The following SAP130 variants were observed in gnomAD, a reference collection of about 807,000 sequenced individuals.
SAP130 encodes Sin3A associated protein 130.
SAP130 carries 16 observed loss-of-function variants against 103.2 expected under a neutral mutation model. That is an observed-to-expected ratio of 0.16 (90% confidence interval 0.10 to 0.24). The LOEUF (loss-of-function observed/expected upper bound fraction) is 0.24. Among genes scored for constraint, SAP130 ranks in the 10% least tolerant of loss-of-function variants. The pLI is 1.00. For missense variants in SAP130, 990 were observed against 1,359.7 expected (o/e 0.73, Z 4.28); for synonymous variants, 477 against 497.0 (o/e 0.96, Z 0.53).
At chr2:128,020,954 C>A (rs1573857697) in intron 2 of SAP130, among the ~76,000 whole-genome samples, 1 of 152,198 alleles carries the variant, frequency 6.6e-6, no homozygotes, top group African/African-American at 2.4e-5. Context: ...CAAGACTGTG[C>A]ACTCCAGCCT....
chr2:127,952,233 A>G (rs911989414), intron 16 of SAP130, among the ~76,000 whole-genome samples: 2 of 152,062 alleles, frequency 1.3e-5, no homozygotes, highest in African/African-American at 4.8e-5. Context: ...CGGGCAGATC[A>G]TAAGATCAGG....
rs942751545 is a variant in SAP130, at chr2:127,954,693, C to T, written c.2422+293G>A. On this transcript the variant is annotated intron_variant, in intron 16 of 20. Coordinates refer to ENST00000643581, the MANE Select transcript of SAP130 (RefSeq NM_001330301.2). ...TTTTCTTAATACTACTTTCTTAATACTACTAGGCATGGAAGGAAACTATGT... is the reference window on the plus strand; with the variant it reads ...TTTTCTTAATACTACTTTCTTAATATTACTAGGCATGGAAGGAAACTATGT... Among the ~76,000 whole-genome samples the T allele has an allele frequency of 2.0e-5, 3 of 152,260 alleles. No homozygotes were observed. The South Asian group carries it at 6.2e-4, about 32-fold the overall frequency.
At chr2:127,983,245 C>T (rs990875163) in intron 14 of SAP130, among the ~76,000 whole-genome samples, 6 of 152,064 alleles carry the variant, frequency 3.9e-5, no homozygotes, top group African/African-American at 1.2e-4. Flanking sequence ...ATGTGGCAAG[C>T]GCAACTCAGG....
intron 16 of SAP130, among the ~76,000 whole-genome samples, chr2:127,952,726 A>G (rs571652693): frequency 6.6e-6 from 1 of 152,124 alleles, no homozygotes; most frequent in South Asian, 2.1e-4. Flanking sequence ...CCACCTGATC[A>G]TTGTCTCCTC....
At chr2:127,961,312 T>TC (rs916049244) in intron 15 of SAP130, among the ~76,000 whole-genome samples, 6 of 150,784 alleles carry the variant, frequency 4.0e-5, no homozygotes, top group Admixed American at 2.7e-4. Context: ...CTAATTTTTT[T>TC]TTTTTTTTTA....
chr2:127,993,047 C>CA (rs1402788732), intron 12 of SAP130, 140 bp downstream of exon 12: 67 of 1,122,212 alleles, frequency 6.0e-5, no homozygotes, highest in Non-Finnish European at 7.8e-5. Flanking sequence ...TTAAGACCTT[C>CA]AAGCTTCACA....
At chr2:128,018,332 C>CAAACCAA (rs796997819) in intron 2 of SAP130, among the ~76,000 whole-genome samples, 3,979 of 120,508 alleles carry the variant, frequency 0.033, 183 homozygotes, top group African/African-American at 0.11. Flanking sequence ...AAAAAAAAAA[C>CAAACCAA]AAACCAAAAA....
intron 11 of SAP130, among the ~76,000 whole-genome samples, chr2:127,995,853 G>A (rs1683143360): frequency 6.6e-6 from 1 of 152,146 alleles, no homozygotes; most frequent in Non-Finnish European, 1.5e-5. Context: ...GCAATGGGAA[G>A]AACACACTGC....
In SAP130 at chr2:127,944,443, T is replaced by TTC. The variant is rs398104707; in HGVS notation, c.2901+1012_2901+1013insGA. On this transcript the variant is annotated intron_variant, in intron 19 of 20. Coordinates refer to ENST00000643581, the MANE Select transcript of SAP130 (RefSeq NM_001330301.2). ...GACCCTGTCTCTACAATTTTTTTTT[T>TTC]CCCCGAGAGGGAGTTTTGCTCTTTC... Among the ~76,000 whole-genome samples the TTC allele has an allele frequency of 1.5e-4, 22 of 151,396 alleles. No individual in the cohort carries two copies. In the South Asian group the frequency reaches 4.4e-3, roughly 30 times the overall value.
At chr2:128,004,938 C>A (rs1361396371) in intron 7 of SAP130, among the ~76,000 whole-genome samples, 3 of 152,146 alleles carry the variant, frequency 2.0e-5, no homozygotes, top group Non-Finnish European at 4.4e-5. Context: ...CCAATCCAAT[C>A]AAAGATGAAT....
chr2:127,989,648 GA>G lies in SAP130; in HGVS notation c.1695del (p.His566ThrfsTer171). 6.2e-7 allele frequency: 1 copy of G among 1,614,218 alleles called. No individual in the cohort carries two copies. On this transcript the variant is annotated frameshift_variant, in exon 13 of 21. Coordinates refer to ENST00000643581, the MANE Select transcript of SAP130 (RefSeq NM_001330301.2). LOFTEE classifies it high-confidence loss of function. The surrounding 1 kb of genome is among the most constrained non-coding windows in gnomAD (Gnocchi z 4.6). The stretch of plus-strand genomic sequence containing the variant: ...TGTGTGTTGATTGGGGTTGCTGAGT[GA>G]ATTCCCTGTGTGCCAAGTGGTGCAG... ...IQPAPLGTQG[I>X]HSATPINTQG...
chr2:128,015,832 T>A (rs947449731), intron 4 of SAP130, among the ~76,000 whole-genome samples: 1 of 150,872 alleles, frequency 6.6e-6, no homozygotes, highest in Non-Finnish European at 1.5e-5. Flanking sequence ...TCCTAGCTAC[T>A]CGGGAGGCTG....
At chr2:128,021,459 A>C (rs1009289429) in intron 2 of SAP130, among the ~76,000 whole-genome samples, 5 of 151,880 alleles carry the variant, frequency 3.3e-5, no homozygotes, top group Admixed American at 1.3e-4. Context: ...AAAAAAAAAA[A>C]AACAAAAAAA....
chr2:127,959,736 A>C (rs1171916336), intron 15 of SAP130, among the ~76,000 whole-genome samples: 1 of 152,260 alleles, frequency 6.6e-6, no homozygotes, highest in Non-Finnish European at 1.5e-5. Context: ...TTACCTGACA[A>C]GGACTTTAAA....
chr2:128,017,908 A>G lies in SAP130; in HGVS notation c.120T>C (p.Asp40=). Residue 40 remains aspartate, a synonymous_variant, in exon 3 of 21, where the codon GAT becomes GAC. Transcript: ENST00000643581. The part of the protein sequence containing the change: ...GLINPAATVN[D]ESGRDSEVSA... ...TGACTTCAGAATCTCGACCAGATTC[A>G]TCATTGACTAGTAAAGACATTAAGA... The G allele has an allele frequency of 6.2e-7, 1 of 1,613,392 alleles. No homozygotes were observed. The highest frequency in any genetic ancestry group is 1.3e-5 in the African/African-American group (1 of 75,060).
intron 15 of SAP130, among the ~76,000 whole-genome samples, chr2:127,974,540 G>A (rs1359396093): frequency 2.6e-5 from 4 of 152,128 alleles, no homozygotes; most frequent in Non-Finnish European, 4.4e-5. Flanking sequence ...CTGGCCGGGC[G>A]CGGTGGTGCA....
chr2:128,024,864 G>A (rs901204508), intron 2 of SAP130, among the ~76,000 whole-genome samples: 2 of 151,850 alleles, frequency 1.3e-5, no homozygotes, highest in African/African-American at 4.8e-5. Flanking sequence ...GGGCCACAGA[G>A]TGACACTCTG....
intron 18 of SAP130, among the ~76,000 whole-genome samples, chr2:127,948,484 C>G (rs1439929265): frequency 6.6e-6 from 1 of 151,576 alleles, no homozygotes; most frequent in African/African-American, 2.4e-5. Context: ...GGATTACAGG[C>G]ACCCGCCATC....
intron 19 of SAP130, among the ~76,000 whole-genome samples, chr2:127,944,799 A>G (rs965120707): frequency 1.3e-5 from 2 of 149,324 alleles, no homozygotes; most frequent in South Asian, 2.1e-4. Context: ...GGGGGTGCTG[A>G]GGTGAGAGGA....
Sources: allele counts gnomAD v4.1 joint callset (sites outside exome capture counted in the v4.1 genomes callset), GRCh38; gene constraint gnomAD v4.1.1; non-coding constraint Gnocchi (gnomAD v3.1); transcripts MANE v1.5; gene names NCBI Gene and HGNC (gene_info 2026-07-23, HGNC 2026-07-21).